CCDC9B: variants seen among roughly 807,000 people sequenced by gnomAD.
CCDC9B encodes the protein coiled-coil domain-containing protein 9B.
In CCDC9B, 40 loss-of-function variants were observed where a neutral mutation model predicts 47.2. The observed-to-expected ratio is 0.85, with a 90% CI of 0.66 to 1.10. The LOEUF (loss-of-function observed/expected upper bound fraction) is 1.10, where lower values mean the gene tolerates loss of function less well. Ranked by LOEUF, CCDC9B falls within the 50% of genes least tolerant of loss-of-function variation. The probability of loss-of-function intolerance (pLI) is 0.00; values close to 1 mark genes in which losing one functional copy is unlikely to be tolerated. For missense variants in CCDC9B, 662 were observed against 651.0 expected, an observed-to-expected ratio of 1.02 and a Z score of -0.18; for synonymous variants, 238 against 250.7, an observed-to-expected ratio of 0.95 and a Z score of 0.48.
intron 7 of CCDC9B, 41 bp downstream of exon 7, chr15:40,337,347 C>T: frequency 6.3e-7 from 1 of 1,589,752 alleles, no homozygotes; most frequent in South Asian, 1.1e-5. Flanking sequence ...GAAAGATGAA[C>T]AAAGCCAAGG....
In CCDC9B at chr15:40,334,361, G is replaced by A. The variant is rs1354252208; in HGVS notation, c.*797C>T. ...GTGCTAGTGCAGGACGGTGGGGAAA[G>A]AGGAAGTGGAAAGAGCAGGAAATGA... On this transcript the variant is annotated 3_prime_UTR_variant, in exon 11 of 11. Transcript: ENST00000397536. 6.6e-6 allele frequency: 1 copy of A among 152,562 alleles called. No homozygotes were observed. The highest frequency in any genetic ancestry group is 2.4e-5 in the African/African-American group (1 of 41,452). The allele number at this position is 152,562 out of a possible 1,614,324, so 9.5% of individuals were successfully genotyped here.
chr15:40,336,522 A>G, intron 9 of CCDC9B, 52 bp downstream of exon 9: 1 of 1,594,402 alleles, frequency 6.3e-7, no homozygotes, highest in Non-Finnish European at 8.6e-7. Flanking sequence ...CTGGTCCAGG[A>G]AATTGGGACA....
chr15:40,339,868 C>G (rs779878843), intron 2 of CCDC9B, 37 bp downstream of exon 2: 13 of 1,529,556 alleles, frequency 8.5e-6, no homozygotes, highest in East Asian at 2.2e-5. Context: ...GAGCGGCAGC[C>G]AAGTGGTTTC....
chr15:40,337,115 C>T, intron 7 of CCDC9B: 1 of 621,222 alleles, frequency 1.6e-6, no homozygotes, highest in Non-Finnish European at 2.9e-6. Flanking sequence ...GACTTTCACC[C>T]TTTAGGGACC....
chr15:40,339,078 C>T (rs573921276), intron 3 of CCDC9B, 175 bp from the exon 4 acceptor site: 1 of 728,108 alleles, frequency 1.4e-6, no homozygotes, highest in Non-Finnish European at 2.4e-6. Context: ...TATCCAGGGC[C>T]CAGGGCCACC....
intron 5 of CCDC9B, 104 bp from the exon 6 acceptor site, chr15:40,337,997 A>C: frequency 2.6e-6 from 3 of 1,161,146 alleles, no homozygotes; most frequent in Non-Finnish European, 3.8e-6. Context: ...CCACATCTCC[A>C]GCTAAAAATT....
At position 40,336,709 on chromosome 15, in the gene CCDC9B, C is replaced by T. The variant is rs778909877; in HGVS notation, c.797-45G>A. The T allele has an allele frequency of 1.4e-5, 22 of 1,602,262 alleles. No homozygotes were observed. The East Asian group carries it at 2.7e-4, about 20-fold the overall frequency. ...AAGGAGAGAAGAGGCCCATAGCAGC[C>T]GGCTCCATCTTTAGCTGACGAGACC... On this transcript the variant is annotated intron_variant, in intron 8 of 10. Coordinates refer to ENST00000397536, the MANE Select transcript of CCDC9B (RefSeq NM_207380.3).
Position 40,337,732 on chromosome 15 carries a change from G to T in CCDC9B, c.675C>A (p.Ala225=). The change falls in exon 6 of 11, where the codon GCC becomes GCA. Residue 225 remains alanine, a synonymous_variant. Transcript: ENST00000397536. ...DWRRPWDLDK[A]KSTLQDCSQL... ...CCAACCCAGCCACCCACGTGGACTT[G>T]GCCTTGTCCAGGTCCCACGGGCGGC... The T allele has an allele frequency of 3.1e-6, 5 of 1,597,454 alleles. No individual in the cohort carries two copies. The highest frequency in any genetic ancestry group is 4.3e-6 in the Non-Finnish European group (5 of 1,174,624).
At chr15:40,336,724 C>T (rs772271858) in intron 8 of CCDC9B, 36 bp downstream of exon 8, 4 of 1,600,924 alleles carry the variant, frequency 2.5e-6, no homozygotes, top group Admixed American at 3.4e-5. Context: ...CCATCTTTAG[C>T]TGACGAGACC....
In CCDC9B at chr15:40,337,431, G is replaced by T; in HGVS notation, c.699C>A (p.Ser233Arg). The T allele has an allele frequency of 1.3e-6, 2 of 1,596,280 alleles. No individual in the cohort carries two copies. Among genetic ancestry groups the T allele is most frequent in the African/African-American group, 1.3e-5 (1 of 74,648 alleles). ...DKAKSTLQDC[S>R]QLRGEGPARA... Reference sequence around the variant, plus strand: ...TGGCCGGGCCTTCTCCCCTCAGCTGGCTGCAGTCCTGTAGCCTGTGTAGAC... The same window carrying T: ...TGGCCGGGCCTTCTCCCCTCAGCTGTCTGCAGTCCTGTAGCCTGTGTAGAC... Residue 233 changes from serine to arginine, a missense_variant, in exon 7 of 11, where the codon AGC (serine) becomes AGA (arginine). By Grantham distance (110) the Ser-to-Arg change is moderately radical. Coordinates refer to ENST00000397536, the MANE Select transcript of CCDC9B (RefSeq NM_207380.3).
chr15:40,335,603 C>A lies in CCDC9B; in HGVS notation c.1028G>T (p.Ser343Ile), dbSNP rs1169893114. 1.3e-6 allele frequency: 2 copies of A among 1,499,596 alleles called. No homozygotes were observed. The highest frequency in any genetic ancestry group is 1.8e-4 in the Middle Eastern group (1 of 5,630). The allele number at this position is 1,499,596 out of a possible 1,614,324, so 92.9% of individuals were successfully genotyped here. ...CCCCTCTGGGGATGCCAGGGCTGGG[C>A]TGGCTGCAGGGGCGCTCCCCAGTCG... ...QGRLGSAPAA[S>I]PALASPEGPK... Residue 343 changes from serine to isoleucine, a missense_variant, in exon 11 of 11, where the codon AGC becomes ATC. Coordinates refer to ENST00000397536, the MANE Select transcript of CCDC9B (RefSeq NM_207380.3).
intron 7 of CCDC9B, chr15:40,337,116 T>G: frequency 1.6e-6 from 1 of 621,362 alleles, no homozygotes; most frequent in Non-Finnish European, 2.9e-6. Flanking sequence ...ACTTTCACCC[T>G]TTAGGGACCT....
Position 40,331,504 on chromosome 15 carries a change from T to G in CCDC9B, c.*3654A>C, listed in dbSNP as rs959852244. On this transcript the variant is annotated 3_prime_UTR_variant, in exon 11 of 11. Transcript: ENST00000397536. ...CAACAAGTATTTACTGAGTGCCTTCTGTGTGCCACGCTACTGTTAAGACAG... is the reference window on the plus strand; with the variant it reads ...CAACAAGTATTTACTGAGTGCCTTCGGTGTGCCACGCTACTGTTAAGACAG... The G allele has an allele frequency of 6.8e-6, 1 of 147,318 alleles. No homozygotes were observed. The highest frequency in any genetic ancestry group is 2.4e-5 in the African/African-American group (1 of 40,910). 9.1% of individuals were successfully genotyped at this position (147,318 alleles called of 1,614,324 possible). A position where few individuals can be genotyped will look rare whatever the true frequency, so the allele number is the denominator to read the frequency against.
intron 3 of CCDC9B, chr15:40,339,112 G>T (rs1443584706): frequency 1.6e-6 from 1 of 642,000 alleles, no homozygotes; most frequent in Non-Finnish European, 2.8e-6. Flanking sequence ...TGCCACAGTG[G>T]CCCGTCATCT....
At chr15:40,338,087 C>T (rs549232062) in intron 5 of CCDC9B, 194 bp from the exon 6 acceptor site, 7 of 733,018 alleles carry the variant, frequency 9.5e-6, no homozygotes, top group Admixed American at 8.0e-5. Context: ...TTTAACCTCT[C>T]TGTGTCTCAT....
intron 3 of CCDC9B, 40 bp downstream of exon 3, chr15:40,339,472 C>A (rs775815459): frequency 6.2e-7 from 1 of 1,606,190 alleles, no homozygotes; most frequent in South Asian, 1.1e-5. Flanking sequence ...TGGGCCTCCA[C>A]CTCCTTGCTA....
intron 5 of CCDC9B, 97 bp from the exon 6 acceptor site, chr15:40,337,990 C>T (rs1889002717): frequency 3.3e-6 from 4 of 1,206,528 alleles, no homozygotes; most frequent in Non-Finnish European, 4.8e-6. Flanking sequence ...AAGGTTTCCA[C>T]ATCTCCAGCT....
chr15:40,332,366 G>C lies in CCDC9B; in HGVS notation c.*2792C>G, dbSNP rs1253526410. 6.6e-6 allele frequency: 1 copy of C among 152,056 alleles called. No homozygotes were observed. Among genetic ancestry groups the C allele is most frequent in the Non-Finnish European group, 1.5e-5 (1 of 67,984 alleles). 9.4% of individuals were successfully genotyped at this position (152,056 alleles called of 1,614,324 possible). A position where few individuals can be genotyped will look rare whatever the true frequency, so the allele number is the denominator to read the frequency against. Reference sequence around the variant, plus strand: ...AAGAAGAGCTCTCCTTTTTTGAAAAGAGCTCAATGTTACCTGCCTACACTA... The same window carrying C: ...AAGAAGAGCTCTCCTTTTTTGAAAACAGCTCAATGTTACCTGCCTACACTA... On this transcript the variant is annotated 3_prime_UTR_variant, in exon 11 of 11. Transcript: ENST00000397536.
intron 5 of CCDC9B, 51 bp from the exon 6 acceptor site, chr15:40,337,944 G>A (rs917014703): frequency 9.7e-6 from 15 of 1,549,292 alleles, no homozygotes; most frequent in African/African-American, 2.7e-5. Flanking sequence ...AAGAGGCTTG[G>A]GGTGGGGTTT....
Sources: allele counts gnomAD v4.1 joint callset, GRCh38; gene constraint gnomAD v4.1.1; transcripts MANE v1.5; gene names NCBI Gene and HGNC (gene_info 2026-07-23, HGNC 2026-07-21).